The following XPO6 variants were observed in gnomAD, a reference collection of about 807,000 sequenced individuals.
The protein encoded by XPO6 is exportin 6.
In XPO6, 3 loss-of-function variants were observed where a neutral mutation model predicts 130.0. The observed-to-expected ratio is 0.02, with a 90% confidence interval of 0.01 to 0.06. XPO6 has a LOEUF of 0.06. XPO6 is among the 10% of genes least tolerant of loss of function. XPO6 has a pLI of 1.00. For synonymous variants in XPO6, 524 were observed against 548.9 expected (o/e 0.95, Z 0.63); for missense variants, 970 against 1,393.0 (o/e 0.70, Z 4.83).
At chr16:28,153,230 C>G (rs2043125209) in intron 7 of XPO6, 1 of 994,590 alleles carries the variant, frequency 1.0e-6, no homozygotes. Flanking sequence ...GCATGGCATC[C>G]AGGTAAGATG....
chr16:28,195,527 C>A (rs1027743057), intron 1 of XPO6, among the ~76,000 whole-genome samples: 4 of 152,024 alleles, frequency 2.6e-5, no homozygotes, highest in South Asian at 4.1e-4. Context: ...CTGAGGCGGG[C>A]GGACCACTTG....
intron 1 of XPO6, among the ~76,000 whole-genome samples, chr16:28,191,843 G>A (rs2043791332): frequency 6.6e-6 from 1 of 152,172 alleles, no homozygotes; most frequent in Non-Finnish European, 1.5e-5. Flanking sequence ...GATGATTAAC[G>A]CTACTGCTCA....
intron 15 of XPO6, among the ~76,000 whole-genome samples, chr16:28,116,305 C>CA (rs942302288): frequency 6.6e-6 from 1 of 151,944 alleles, no homozygotes; most frequent in African/African-American, 2.4e-5. Flanking sequence ...ACAAAAAATA[C>CA]AAAAAAATTA....
At position 28,117,466 on chromosome 16, in the gene XPO6, C is replaced by T. The variant is rs2087097448; in HGVS notation, c.1860-4G>A. On this transcript the variant is annotated splice_region_variant and splice_polypyrimidine_tract_variant and intron_variant, in intron 14 of 23. Transcript: ENST00000304658. The stretch of plus-strand genomic sequence containing the variant: ...CGCAGCCAGGGACTGAGCATGCCTG[C>T]AGAAAGAAAAGAAGATGTGATTTTA... 6.2e-7 allele frequency: 1 copy of T among 1,610,270 alleles called. No homozygotes were observed. The highest frequency in any genetic ancestry group is 8.5e-7 in the Non-Finnish European group (1 of 1,177,110).
At chr16:28,166,778 T>C (rs967061078) in intron 5 of XPO6, 193 bp from the exon 6 acceptor site, 11 of 985,454 alleles carry the variant, frequency 1.1e-5, no homozygotes, top group Non-Finnish European at 1.3e-5. Context: ...ACTGCTTCAC[T>C]GTGGCCTTGT....
intron 8 of XPO6, among the ~76,000 whole-genome samples, chr16:28,152,074 ATGTG>A (rs71389527): frequency 6.6e-6 from 1 of 151,130 alleles, no homozygotes; most frequent in Non-Finnish European, 1.5e-5. Flanking sequence ...TATATTTTTT[ATGTG>A]TGTGTGTGTG....
At chr16:28,099,327 A>C (rs2086603655) in intron 23 of XPO6, among the ~76,000 whole-genome samples, 1 of 152,008 alleles carries the variant, frequency 6.6e-6, no homozygotes. Flanking sequence ...TGAGGACTCA[A>C]ACAGGCCCAG....
At chr16:28,191,409 T>A (rs910322204) in intron 1 of XPO6, among the ~76,000 whole-genome samples, 1 of 152,148 alleles carries the variant, frequency 6.6e-6, no homozygotes, top group Admixed American at 6.5e-5. Context: ...CAGGTACATA[T>A]CCCAGGAGGA....
At chr16:28,116,020 C>T (rs1179122415) in intron 15 of XPO6, among the ~76,000 whole-genome samples, 2 of 152,248 alleles carry the variant, frequency 1.3e-5, no homozygotes, top group African/African-American at 4.8e-5. Flanking sequence ...TTGTGGCTAG[C>T]TTGGTCTATC....
intron 16 of XPO6, among the ~76,000 whole-genome samples, chr16:28,112,465 CTCCT>C (rs1318236267): frequency 6.6e-6 from 1 of 152,212 alleles, no homozygotes; most frequent in Non-Finnish European, 1.5e-5. Flanking sequence ...CCTGCCCTCC[CTCCT>C]GTTAGGTGGT....
chr16:28,128,243 C>T (rs904256791), intron 12 of XPO6, among the ~76,000 whole-genome samples: 3 of 152,170 alleles, frequency 2.0e-5, no homozygotes, highest in Non-Finnish European at 4.4e-5. Flanking sequence ...ACCAACCAGA[C>T]CTCAGGGCTC....
At chr16:28,135,878 A>G (rs1032759113) in intron 9 of XPO6, among the ~76,000 whole-genome samples, 19 of 152,122 alleles carry the variant, frequency 1.2e-4, no homozygotes, top group Non-Finnish European at 2.2e-4. Flanking sequence ...ATGTTCCTCA[A>G]TTCCTCCATT....
chr16:28,112,749 G>A (rs2086957382), intron 16 of XPO6, among the ~76,000 whole-genome samples, 155 bp downstream of exon 16: 1 of 152,240 alleles, frequency 6.6e-6, no homozygotes, highest in Non-Finnish European at 1.5e-5. Context: ...GAGAATCACT[G>A]AGTCTGTGTC....
At chr16:28,190,121 C>G (rs1252563119) in intron 1 of XPO6, among the ~76,000 whole-genome samples, 6 of 152,076 alleles carry the variant, frequency 3.9e-5, no homozygotes, top group African/African-American at 1.4e-4. Context: ...GAGGATGGTA[C>G]GTTTTATGCT....
chr16:28,206,540 C>G (rs1267652889), intron 1 of XPO6, among the ~76,000 whole-genome samples: 1 of 151,856 alleles, frequency 6.6e-6, no homozygotes, highest in East Asian at 1.9e-4. Flanking sequence ...AGAGCAAGAC[C>G]CTGTCTCAAA....
At chr16:28,114,436 G>A (rs951720505) in intron 15 of XPO6, among the ~76,000 whole-genome samples, 2 of 152,108 alleles carry the variant, frequency 1.3e-5, no homozygotes, top group East Asian at 1.9e-4. Flanking sequence ...ATGCAATAAC[G>A]CAAGGCACAC....
At position 28,132,548 on chromosome 16, in the gene XPO6, A is replaced by T; in HGVS notation, c.1537-145T>A. On this transcript the variant is annotated intron_variant, in intron 11 of 23. Coordinates refer to ENST00000304658, the MANE Select transcript of XPO6 (RefSeq NM_015171.4). This position sits in a 1 kb window ranked among gnomAD's most constrained non-coding sequence, Gnocchi z 4.0. ...TCTCTGGGAACCTTTAAATGCAGCT[A>T]AAAAGCTATGACCCCCCTTCAGTGC... 1.7e-6 allele frequency: 1 copy of T among 573,362 alleles called. No homozygotes were observed. Among genetic ancestry groups the T allele is most frequent in the Non-Finnish European group, 3.0e-6 (1 of 331,730 alleles). The allele number at this position is 573,362 out of a possible 1,614,324, so 35.5% of individuals were successfully genotyped here.
At chr16:28,178,632 T>C (rs1321789226) in intron 2 of XPO6, among the ~76,000 whole-genome samples, 1 of 149,034 alleles carries the variant, frequency 6.7e-6, no homozygotes, top group Non-Finnish European at 1.5e-5. Context: ...CTTAGGAGAG[T>C]GTCAAAATGA....
rs370883555 is a variant in XPO6, at chr16:28,194,646, C to T, written c.4-13615G>A. On this transcript the variant is annotated intron_variant, in intron 1 of 23. Coordinates refer to ENST00000304658, the MANE Select transcript of XPO6 (RefSeq NM_015171.4). ...CACCAGAAAAGCCCTGCACTAAAGCCCTTCCCAGCTTTGTGATTCTGGTTC... is the reference window on the plus strand; with the variant it reads ...CACCAGAAAAGCCCTGCACTAAAGCTCTTCCCAGCTTTGTGATTCTGGTTC... Among the ~76,000 whole-genome samples, 54 of 152,188 alleles carry T rather than the reference C, an allele frequency of 3.5e-4. No homozygotes were observed. In the South Asian group the frequency reaches 0.011, roughly 31 times the overall value.
Sources: gnomAD v4.1 joint callset for allele counts (sites outside exome capture counted in the v4.1 genomes callset) on GRCh38, gnomAD v4.1.1 for gene constraint, Gnocchi (gnomAD v3.1) non-coding constraint, MANE v1.5 for transcripts, NCBI Gene and HGNC (gene_info 2026-07-23, HGNC 2026-07-21) for gene names.